Variants in KALRN observed in about 807,000 individuals in gnomAD.
KALRN encodes the protein kalirin RhoGEF kinase, also known as kalirin.
Under a neutral mutation model 353.7 loss-of-function variants are expected in KALRN, and 70 were observed. The observed-to-expected ratio is 0.20, with a 90% CI of 0.16 to 0.24. The LOEUF (loss-of-function observed/expected upper bound fraction) is 0.24. Among genes scored for constraint, KALRN ranks in the 10% least tolerant of loss-of-function variants. The pLI is 1.00. For synonymous variants in KALRN, 1,391 were observed against 1,434.8 expected (o/e 0.97, Z 0.69); for missense variants, 2,791 against 3,756.7 (o/e 0.74, Z 6.72).
chr3:124,404,736 T>C (rs2091314799), intron 13 of KALRN, among the ~76,000 whole-genome samples: 1 of 151,592 alleles, frequency 6.6e-6, no homozygotes, highest in African/African-American at 2.4e-5. Context: ...ATGTTGTGGC[T>C]GTTTGAAAAG....
chr3:124,405,184 C>T lies in KALRN; in HGVS notation c.2346+6313C>T, dbSNP rs563092685. On this transcript the variant is annotated intron_variant, in intron 13 of 59. Coordinates refer to ENST00000682506, the MANE Select transcript of KALRN (RefSeq NM_001388419.1). ...ATCACTGGGAGGTTTTCCCTACTAT[C>T]GTCCTTTTTTAAAAAAATCAGGATT... Among the ~76,000 whole-genome samples the T allele has an allele frequency of 6.6e-5, 10 of 152,302 alleles. No homozygotes were observed. The South Asian group carries it at 1.9e-3, about 28-fold the overall frequency.
At position 124,430,792 on chromosome 3, in the gene KALRN, G is replaced by T; in HGVS notation, c.2829+17G>T. 2 of 1,612,304 alleles carry T rather than the reference G, an allele frequency of 1.2e-6. No homozygotes were observed. The highest frequency in any genetic ancestry group is 1.7e-6 in the Non-Finnish European group (2 of 1,179,370). ...GCCATCGAGGTAACACCCAAATCTG[G>T]CTGCACTGTCCTCCCTTCGCCTTTC... On this transcript the variant is annotated intron_variant, in intron 16 of 59. Transcript: ENST00000682506.
chr3:124,214,133 CAT>C (rs939683789), intron 1 of KALRN, among the ~76,000 whole-genome samples: 1 of 151,842 alleles, frequency 6.6e-6, no homozygotes, highest in Non-Finnish European at 1.5e-5. Flanking sequence ...CTGCTGTGTA[CAT>C]ATATATATGT....
chr3:124,335,070 G>T (rs2080994875), intron 9 of KALRN, among the ~76,000 whole-genome samples: 1 of 152,080 alleles, frequency 6.6e-6, no homozygotes, highest in Non-Finnish European at 1.5e-5. Context: ...GTCAATATGG[G>T]TTAGGATTAG....
chr3:124,446,470 GA>G (rs1010053827), intron 20 of KALRN, among the ~76,000 whole-genome samples, 194 bp downstream of exon 20: 5 of 152,210 alleles, frequency 3.3e-5, no homozygotes, highest in Non-Finnish European at 7.3e-5. Context: ...TTGGTACCAG[GA>G]GATGTGAGGA....
intron 33 of KALRN, among the ~76,000 whole-genome samples, chr3:124,528,930 A>G (rs1430596045): frequency 6.6e-6 from 1 of 152,198 alleles, no homozygotes; most frequent in East Asian, 1.9e-4. Flanking sequence ...GGCTCTAAAC[A>G]TACCCATATA....
At chr3:124,423,457 G>C (rs1239057126) in intron 15 of KALRN, among the ~76,000 whole-genome samples, 1 of 152,200 alleles carries the variant, frequency 6.6e-6, no homozygotes, top group South Asian at 2.1e-4. Flanking sequence ...AAGTTTTCTT[G>C]CCATATTAAA....
intron 25 of KALRN, among the ~76,000 whole-genome samples, chr3:124,472,006 G>A (rs2060963460): frequency 6.6e-6 from 1 of 151,172 alleles, no homozygotes; most frequent in South Asian, 2.1e-4. Flanking sequence ...TTACAGAAAG[G>A]CATTCCTCAT....
intron 33 of KALRN, among the ~76,000 whole-genome samples, chr3:124,529,156 T>C (rs1479318343): frequency 6.6e-6 from 1 of 152,208 alleles, no homozygotes; most frequent in East Asian, 1.9e-4. Flanking sequence ...GGGATTCTTG[T>C]CTGCTTTCTT....
At chr3:124,630,863 C>G (rs1171723506) in intron 34 of KALRN, among the ~76,000 whole-genome samples, 1 of 152,182 alleles carries the variant, frequency 6.6e-6, no homozygotes, top group Non-Finnish European at 1.5e-5. Flanking sequence ...CTCTTGTTCT[C>G]CAATCACTGT....
intron 17 of KALRN, among the ~76,000 whole-genome samples, chr3:124,438,624 A>C (rs1338835710): frequency 6.6e-6 from 1 of 152,056 alleles, no homozygotes; most frequent in African/African-American, 2.4e-5. Flanking sequence ...AGACTGTCTT[A>C]CTTTCTTACT....
intron 27 of KALRN, among the ~76,000 whole-genome samples, chr3:124,480,095 C>A (rs1286676446): frequency 6.6e-6 from 1 of 152,168 alleles, no homozygotes; most frequent in Non-Finnish European, 1.5e-5. Context: ...GTAGGCCCCT[C>A]CCTCTCTGCT....
intron 1 of KALRN, among the ~76,000 whole-genome samples, chr3:124,069,621 C>A (rs1348172357): frequency 6.6e-6 from 1 of 152,050 alleles, no homozygotes; most frequent in Non-Finnish European, 1.5e-5. Flanking sequence ...TAAGAGAGTC[C>A]TTCATTGTGC....
intron 1 of KALRN, among the ~76,000 whole-genome samples, chr3:124,080,617 C>T (rs1242491343): frequency 2.0e-5 from 3 of 152,230 alleles, no homozygotes; most frequent in South Asian, 2.1e-4. Context: ...AGCAATTCTT[C>T]GATTATTTCT....
intron 5 of KALRN, among the ~76,000 whole-genome samples, chr3:124,275,149 CAGG>C (rs1413197207): frequency 1.3e-5 from 2 of 152,170 alleles, no homozygotes; most frequent in African/African-American, 2.4e-5. Flanking sequence ...CATCTTTCAA[CAGG>C]AGAAGTGGGG....
At chr3:124,108,276 TAC>T (rs1233560920) in intron 1 of KALRN, among the ~76,000 whole-genome samples, 1 of 152,198 alleles carries the variant, frequency 6.6e-6, no homozygotes, top group African/African-American at 2.4e-5. Flanking sequence ...ATATCACTGG[TAC>T]ATTTCTCTTC....
chr3:124,713,089 C>T lies in KALRN; in HGVS notation c.8230C>T (p.His2744Tyr), dbSNP rs779764159. 1.2e-6 allele frequency: 2 copies of T among 1,614,106 alleles called. No individual in the cohort carries two copies. Among genetic ancestry groups the T allele is most frequent in the Admixed American group, 1.7e-5 (1 of 59,998 alleles). ...ACAGCACCCCCAGTACATCACTCTC[C>T]ATGACACCTATGAGTCCCCCACATC... The part of the protein sequence containing the change: ...HLQHPQYITL[H>Y]DTYESPTSYI... Residue 2744 changes from histidine to tyrosine, a missense_variant, in exon 58 of 60, where the codon CAT (histidine) becomes TAT (tyrosine). By Grantham distance (83) the His-to-Tyr change is moderately conservative. Coordinates refer to ENST00000682506, the MANE Select transcript of KALRN (RefSeq NM_001388419.1).
In KALRN at chr3:124,671,784, G is replaced by A. The variant is rs149868678; in HGVS notation, c.6828G>A (p.Lys2276=). The change falls in exon 48 of 60, where the codon AAG becomes AAA. Residue 2276 remains lysine, a synonymous_variant. Coordinates refer to ENST00000682506, the MANE Select transcript of KALRN (RefSeq NM_001388419.1). ...PYSSVPAGSE[K]PPKGSSYNPP... is the part of the protein sequence containing the mutation. Reference sequence around the variant, plus strand: ...CCTCTGTTCCTGCGGGCTCAGAGAAGCCCCCAAAGGGCTCCAGCTATAACC... The same window carrying A: ...CCTCTGTTCCTGCGGGCTCAGAGAAACCCCCAAAGGGCTCCAGCTATAACC... The A allele has an allele frequency of 1.2e-6, 2 of 1,614,152 alleles. No homozygotes were observed. The highest frequency in any genetic ancestry group is 1.7e-6 in the Non-Finnish European group (2 of 1,180,000).
At chr3:124,204,194 A>G (rs977942024) in intron 1 of KALRN, among the ~76,000 whole-genome samples, 2 of 152,144 alleles carry the variant, frequency 1.3e-5, no homozygotes, top group African/African-American at 4.8e-5. Context: ...AATTGCCACA[A>G]TTATTGTTTT....
Sources: allele counts gnomAD v4.1 joint callset (sites outside exome capture counted in the v4.1 genomes callset), GRCh38; gene constraint gnomAD v4.1.1; transcripts MANE v1.5; gene names NCBI Gene and HGNC (gene_info 2026-07-23, HGNC 2026-07-21).